The following AHRR variants were observed in gnomAD, a reference collection of about 807,000 sequenced individuals.
AHRR encodes aryl hydrocarbon receptor repressor.
In AHRR, 28 loss-of-function variants were observed where a neutral mutation model predicts 44.0. The observed-to-expected ratio is 0.64, with a 90% CI of 0.47 to 0.87. The LOEUF (loss-of-function observed/expected upper bound fraction) is 0.87. Ranked by LOEUF, AHRR falls within the 40% of genes least tolerant of loss-of-function variation. AHRR has a pLI of 0.00. For missense variants in AHRR, 990 were observed against 953.9 expected (o/e 1.04, Z -0.50); for synonymous variants, 434 against 407.0 (o/e 1.07, Z -0.80).
chr5:378,226 TAATCTTC>T (rs896663986), intron 4 of AHRR, among the ~76,000 whole-genome samples: 35 of 152,360 alleles, frequency 2.3e-4, no homozygotes, highest in African/African-American at 8.4e-4. Flanking sequence ...CTTTTATTTC[TAATCTTC>T]AATCTCTTCA....
In AHRR at chr5:423,993, C is replaced by T. The variant is rs1356654558; in HGVS notation, c.708+16C>T. ...GGGCTTCCTGGTGAGTGCGTGGGTCCCTGGCAGGGGGCTCCCGACATCTGG... is the reference window on the plus strand; with the variant it reads ...GGGCTTCCTGGTGAGTGCGTGGGTCTCTGGCAGGGGGCTCCCGACATCTGG... On this transcript the variant is annotated intron_variant, in intron 7 of 10. Transcript: ENST00000684583. The T allele has an allele frequency of 4.4e-6, 7 of 1,591,564 alleles. No homozygotes were observed. Among genetic ancestry groups the T allele is most frequent in the Non-Finnish European group, 6.0e-6 (7 of 1,174,790 alleles).
rs900997146 is a variant in AHRR at position 405,854 on chromosome 5, C to T, written c.352-7490C>T. Among the ~76,000 whole-genome samples the T allele has an allele frequency of 9.9e-5, 15 of 152,208 alleles. No homozygotes were observed. Among genetic ancestry groups the T allele is most frequent in the African/African-American group, 3.6e-4 (15 of 41,448 alleles). ...TTACTGATTGAAAAATATGGCTTTGCAGCCTAGCAAGGCTCTCGGTCTGAG... is the reference window on the plus strand; with the variant it reads ...TTACTGATTGAAAAATATGGCTTTGTAGCCTAGCAAGGCTCTCGGTCTGAG... On this transcript the variant is annotated intron_variant, in intron 4 of 10. Coordinates refer to ENST00000684583, the MANE Select transcript of AHRR (RefSeq NM_001377236.1). This position sits in a 1 kb window ranked among gnomAD's most constrained non-coding sequence, Gnocchi z 4.5.
intron 4 of AHRR, among the ~76,000 whole-genome samples, chr5:412,374 A>C (rs1159583754): frequency 6.6e-6 from 1 of 152,216 alleles, no homozygotes; most frequent in African/African-American, 2.4e-5. Context: ...GAGGGTCTTC[A>C]GGGTGAGGCG....
At chr5:407,683 G>A (rs1051045354) in intron 4 of AHRR, among the ~76,000 whole-genome samples, 6 of 152,164 alleles carry the variant, frequency 3.9e-5, no homozygotes, top group Non-Finnish European at 8.8e-5. Flanking sequence ...GGGACCACAG[G>A]CATGCGCCAC....
At chr5:399,407 G>T (rs1367986856) in intron 4 of AHRR, among the ~76,000 whole-genome samples, 1 of 152,214 alleles carries the variant, frequency 6.6e-6, no homozygotes, top group East Asian at 1.9e-4. Flanking sequence ...TCAGAAAGCG[G>T]GTCCTGGTTT....
chr5:435,820 AGTATT>A lies in AHRR; in HGVS notation c.*987_*991del, dbSNP rs1450397628. On this transcript the variant is annotated 3_prime_UTR_variant, in exon 11 of 11. Coordinates refer to ENST00000684583, the MANE Select transcript of AHRR (RefSeq NM_001377236.1). ...AGAATAATTAGGGACAAGACAGACAAGTATTAATAGCATTAAAACAGTTGTAAAGG... is the reference window on the plus strand; with the variant it reads ...AGAATAATTAGGGACAAGACAGACAAAATAGCATTAAAACAGTTGTAAAGG... 6.5e-6 allele frequency: 1 copy of A among 152,734 alleles called. No individual in the cohort carries two copies. The highest frequency in any genetic ancestry group is 2.4e-5 in the African/African-American group (1 of 41,456). The allele number at this position is 152,734 out of a possible 1,614,324, so 9.5% of individuals were successfully genotyped here. A position where few individuals can be genotyped will look rare whatever the true frequency, so the allele number is the denominator to read the frequency against.
rs117071250 is a variant in AHRR at position 398,327 on chromosome 5, T to C, written c.352-15017T>C. 3.9e-3 allele frequency among the ~76,000 whole-genome samples: 587 copies of C among 151,984 alleles called. 15 individuals are homozygous for C. The East Asian group carries it at 0.06, about 15-fold the overall frequency. On this transcript the variant is annotated intron_variant, in intron 4 of 10. Transcript: ENST00000684583. Reference sequence around the variant, plus strand: ...TGACCTTCCGCGTTAGCCCCGACATTCCGCGTTAGCCCCAACCGTACACCT... The same window carrying C: ...TGACCTTCCGCGTTAGCCCCGACATCCCGCGTTAGCCCCAACCGTACACCT...
intron 3 of AHRR, among the ~76,000 whole-genome samples, chr5:360,292 C>T: frequency 6.6e-6 from 1 of 152,220 alleles, no homozygotes; most frequent in East Asian, 1.9e-4. Context: ...TCACCAGAGC[C>T]AAATCAGCTG....
intron 2 of AHRR, 75 bp from the exon 3 acceptor site, chr5:353,655 G>GTC: frequency 7.0e-7 from 1 of 1,428,856 alleles, no homozygotes; most frequent in Admixed American, 2.0e-5. Flanking sequence ...GGTCACTGCA[G>GTC]AGGACGGTTT....
chr5:433,970 T>C lies in AHRR; in HGVS notation c.1230T>C (p.Asp410=). ...LPWTAGKHSE[D]GARPRLQPSK... ...GGACAGCGGGAAAGCACAGTGAGGATGGTGCCAGGCCGAGGCTGCAGCCCA... is the reference window on the plus strand; with the variant it reads ...GGACAGCGGGAAAGCACAGTGAGGACGGTGCCAGGCCGAGGCTGCAGCCCA... The change falls in exon 11 of 11, where the codon GAT becomes GAC. Residue 410 remains aspartate (D), a synonymous_variant. Transcript: ENST00000684583. 6.4e-7 allele frequency: 1 copy of C among 1,561,988 alleles called. No individual in the cohort carries two copies.
chr5:366,277 C>T (rs998068177), intron 3 of AHRR, among the ~76,000 whole-genome samples: 1 of 152,108 alleles, frequency 6.6e-6, no homozygotes, highest in African/African-American at 2.4e-5. Context: ...AGGCAGTGGT[C>T]ACCAGGGATG....
At position 436,821 on chromosome 5, in the gene AHRR, G is replaced by C. The variant is rs1737102104; in HGVS notation, c.*1987G>C. On this transcript the variant is annotated 3_prime_UTR_variant, in exon 11 of 11. Transcript: ENST00000684583. ...GCCACCTGAGGGTCAGTCACCTGTG[G>C]AGAGCAGGCACCTGTGAAGACCAGG... is the stretch of plus-strand genomic sequence containing the variant. 1 of 152,450 alleles carries C rather than the reference G, an allele frequency of 6.6e-6. No homozygotes were observed. Among genetic ancestry groups the C allele is most frequent in the Non-Finnish European group, 1.5e-5 (1 of 68,112 alleles). 9.4% of individuals were successfully genotyped at this position (152,450 alleles called of 1,614,324 possible).
intron 3 of AHRR, among the ~76,000 whole-genome samples, chr5:363,235 G>A (rs956388547): frequency 1.3e-5 from 2 of 152,192 alleles, no homozygotes; most frequent in African/African-American, 4.8e-5. Flanking sequence ...GTAAGGACAG[G>A]AGAGGTTCTG....
chr5:364,560 G>A (rs1172774734), intron 3 of AHRR, among the ~76,000 whole-genome samples: 1 of 151,414 alleles, frequency 6.6e-6, no homozygotes, highest in East Asian at 1.9e-4. Context: ...CAAACTAATG[G>A]AAAGAAAAAA....
chr5:380,456 C>T (rs1733933870), intron 4 of AHRR, among the ~76,000 whole-genome samples: 1 of 152,198 alleles, frequency 6.6e-6, no homozygotes, highest in African/African-American at 2.4e-5. Flanking sequence ...CTCTCCCAAT[C>T]CATGAACATG....
rs147653447 is a variant in AHRR, at chr5:342,425, T to C, written c.-10-1468T>C. On this transcript the variant is annotated intron_variant, in intron 1 of 10. Coordinates refer to ENST00000684583, the MANE Select transcript of AHRR (RefSeq NM_001377236.1). This position sits in a 1 kb window ranked among gnomAD's most constrained non-coding sequence, Gnocchi z 4.3. ...ATTAAAGAATATACCTTTTTGTCTC[T>C]GGTGATATTCCTTGTTCTGAAGTCT... Among the ~76,000 whole-genome samples the C allele has an allele frequency of 2.0e-5, 3 of 152,238 alleles. No homozygotes were observed. The highest frequency in any genetic ancestry group is 4.4e-5 in the Non-Finnish European group (3 of 68,044).
intron 1 of AHRR, among the ~76,000 whole-genome samples, chr5:323,577 A>G (rs887118466): frequency 2.4e-4 from 37 of 152,154 alleles, no homozygotes; most frequent in African/African-American, 8.7e-4. Context: ...CCCCTCCTTC[A>G]TGTGGCCTGG....
At chr5:376,555 A>ACCGTG (rs1306970800) in intron 3 of AHRR, 55 bp from the exon 4 acceptor site, 979 of 1,428,484 alleles carry the variant, frequency 6.9e-4, no homozygotes, top group African/African-American at 1.6e-3. Flanking sequence ...TGAATGAAGA[A>ACCGTG]GAGTGGCCAG....
At chr5:427,012 GTGGA>G (rs1164929963) in intron 7 of AHRR, among the ~76,000 whole-genome samples, 1 of 140,124 alleles carries the variant, frequency 7.1e-6, no homozygotes, top group African/African-American at 2.7e-5. Flanking sequence ...GGATGGGTGG[GTGGA>G]TGGATGGATG....
Sources: allele counts gnomAD v4.1 joint callset (sites outside exome capture counted in the v4.1 genomes callset), GRCh38; gene constraint gnomAD v4.1.1; non-coding constraint Gnocchi (gnomAD v3.1); transcripts MANE v1.5; gene names NCBI Gene and HGNC (gene_info 2026-07-23, HGNC 2026-07-21).